Variants in MACROD2 observed in about 807,000 individuals in gnomAD.
MACROD2 encodes mono-ADP ribosylhydrolase 2.
In MACROD2, 36 loss-of-function variants were observed where a neutral mutation model predicts 70.4. The ratio of observed to expected loss-of-function variants is 0.51; its 90% CI spans 0.39 to 0.68. The LOEUF is 0.68. Ranked by LOEUF, MACROD2 falls within the 30% of genes least tolerant of loss-of-function variation. The pLI, the probability that MACROD2 is intolerant of heterozygous loss-of-function variation, is 0.00. For missense variants in MACROD2, 496 were observed against 538.4 expected (o/e 0.92, Z 0.78); for synonymous variants, 172 against 178.8 (o/e 0.96, Z 0.30).
chr20:15,741,169 G>A (rs995787816), intron 8 of MACROD2, among the ~76,000 whole-genome samples: 1 of 145,112 alleles, frequency 6.9e-6, no homozygotes, highest in African/African-American at 2.6e-5. Context: ...TCGGCTCACT[G>A]CAGCCTCCAC....
At chr20:14,233,397 T>C (rs1306649192) in intron 3 of MACROD2, among the ~76,000 whole-genome samples, 5 of 152,018 alleles carry the variant, frequency 3.3e-5, no homozygotes, top group Non-Finnish European at 7.4e-5. Flanking sequence ...TTTAGTGATA[T>C]AAAGAAATGA....
chr20:14,114,709 C>T (rs1232411493), intron 3 of MACROD2, among the ~76,000 whole-genome samples: 4 of 152,018 alleles, frequency 2.6e-5, no homozygotes, highest in Non-Finnish European at 5.9e-5. Flanking sequence ...AGGGACACGA[C>T]GGAATTTCTT....
chr20:15,500,023 T>C (rs1489310077), intron 8 of MACROD2, among the ~76,000 whole-genome samples, 176 bp downstream of exon 8: 1 of 152,220 alleles, frequency 6.6e-6, no homozygotes, highest in East Asian at 1.9e-4. Flanking sequence ...TGGTAATTGA[T>C]AGAATGCAGC....
At chr20:15,032,918 T>C (rs1392183189) in intron 5 of MACROD2, among the ~76,000 whole-genome samples, 1 of 152,242 alleles carries the variant, frequency 6.6e-6, no homozygotes, top group Non-Finnish European at 1.5e-5. Flanking sequence ...AATTCTGTTA[T>C]ATGCCATGGA....
intron 8 of MACROD2, among the ~76,000 whole-genome samples, chr20:15,787,086 C>A (rs576286038): frequency 6.6e-6 from 1 of 152,044 alleles, no homozygotes; most frequent in Admixed American, 6.5e-5. Context: ...ATTCTCCTGC[C>A]TCAGCCTCTC....
intron 6 of MACROD2, among the ~76,000 whole-genome samples, chr20:15,428,224 T>C (rs2046323382): frequency 6.6e-6 from 1 of 152,202 alleles, no homozygotes; most frequent in African/African-American, 2.4e-5. Context: ...AAAGCAGTGC[T>C]CAGAGTAGTT....
chr20:15,687,607 A>G (rs556300430), intron 8 of MACROD2, among the ~76,000 whole-genome samples: 50 of 152,296 alleles, frequency 3.3e-4, no homozygotes, highest in African/African-American at 1.1e-3. Context: ...CAGGTTGGCC[A>G]GTGCTCCCTG....
At chr20:14,361,687 CTGTTCTCAGATCATTTT>C (rs1437002030) in intron 3 of MACROD2, among the ~76,000 whole-genome samples, 1 of 152,144 alleles carries the variant, frequency 6.6e-6, no homozygotes, top group East Asian at 1.9e-4. Context: ...TGACCCGATA[CTGTTCTCAGATCATTTT>C]TGTTAGAATG....
chr20:15,549,367 A>G (rs1355410659), intron 8 of MACROD2, among the ~76,000 whole-genome samples: 1 of 152,214 alleles, frequency 6.6e-6, no homozygotes, highest in Non-Finnish European at 1.5e-5. Flanking sequence ...AAAGGATCAT[A>G]TATTTTATGC....
At chr20:15,735,476 G>T (rs960370550) in intron 8 of MACROD2, among the ~76,000 whole-genome samples, 1 of 152,184 alleles carries the variant, frequency 6.6e-6, no homozygotes, top group African/African-American at 2.4e-5. Flanking sequence ...TCTTCCAGAA[G>T]TTTAATGCCA....
chr20:14,180,420 C>A (rs1372346726), intron 3 of MACROD2, among the ~76,000 whole-genome samples: 1 of 152,126 alleles, frequency 6.6e-6, no homozygotes, highest in Non-Finnish European at 1.5e-5. Context: ...TACTCCCAAA[C>A]TGGCCACTTG....
intron 15 of MACROD2, among the ~76,000 whole-genome samples, chr20:15,999,719 A>G (rs1048553252): frequency 1.3e-5 from 2 of 152,230 alleles, no homozygotes; most frequent in Admixed American, 6.5e-5. Context: ...TATTATTACA[A>G]TGACCTTTTC....
At chr20:14,813,766 A>G (rs749066808) in intron 5 of MACROD2, among the ~76,000 whole-genome samples, 2 of 151,994 alleles carry the variant, frequency 1.3e-5, no homozygotes, top group Non-Finnish European at 2.9e-5. Context: ...GGGTTTGTAT[A>G]GAAGTTTCAT....
intron 8 of MACROD2, among the ~76,000 whole-genome samples, chr20:15,611,489 G>A (rs576075255): frequency 1.4e-3 from 217 of 152,150 alleles, no homozygotes; most frequent in African/African-American, 5.1e-3. Context: ...CTGCATGCTT[G>A]CCAAGCACCT....
chr20:15,189,072 A>G (rs894383103), intron 5 of MACROD2, among the ~76,000 whole-genome samples: 1 of 152,124 alleles, frequency 6.6e-6, no homozygotes, highest in African/African-American at 2.4e-5. Flanking sequence ...GGCCAATGAC[A>G]TGTGGGTAAC....
intron 5 of MACROD2, among the ~76,000 whole-genome samples, chr20:15,215,380 T>A (rs1281571294): frequency 2.6e-5 from 4 of 151,736 alleles, no homozygotes; most frequent in African/African-American, 9.7e-5. Context: ...ACTATGAAGA[T>A]CTTAGCAATT....
intron 8 of MACROD2, among the ~76,000 whole-genome samples, chr20:15,531,733 T>C (rs2047804493): frequency 6.6e-6 from 1 of 152,180 alleles, no homozygotes; most frequent in Admixed American, 6.5e-5. Context: ...TTTATTTTTC[T>C]CCTTTCTTTT....
chr20:14,415,059 CTT>C (rs2083789582), intron 3 of MACROD2, among the ~76,000 whole-genome samples: 1 of 151,860 alleles, frequency 6.6e-6, no homozygotes, highest in South Asian at 2.1e-4. Flanking sequence ...AATGCAGAAA[CTT>C]AGTTTTTTCA....
At chr20:14,486,982 G>T (rs887082994) in intron 3 of MACROD2, among the ~76,000 whole-genome samples, 9 of 152,176 alleles carry the variant, frequency 5.9e-5, no homozygotes, top group African/African-American at 1.9e-4. Context: ...AGATGGCATT[G>T]TTCCTCACCC....
Sources: allele counts gnomAD v4.1 joint callset (sites outside exome capture counted in the v4.1 genomes callset), GRCh38; gene constraint gnomAD v4.1.1; transcripts MANE v1.5; gene names NCBI Gene and HGNC (gene_info 2026-07-23, HGNC 2026-07-21).